COL4A6: variants seen among roughly 807,000 people sequenced by gnomAD.
COL4A6 encodes the protein collagen alpha-6(IV) chain.
Under a neutral mutation model 126.7 loss-of-function variants are expected in COL4A6, and 59 were observed. The observed-to-expected ratio is 0.47, with a 90% confidence interval of 0.38 to 0.58. The LOEUF (loss-of-function observed/expected upper bound fraction) is 0.58. Among genes scored for constraint, COL4A6 ranks in the 20% least tolerant of loss-of-function variants. The probability of loss-of-function intolerance (pLI) is 0.00; values close to 1 mark genes in which losing one functional copy is unlikely to be tolerated. For synonymous variants in COL4A6, 547 were observed against 496.6 expected (o/e 1.10, Z -1.35); for missense variants, 1,285 against 1,337.3 (o/e 0.96, Z 0.61).
intron 2 of COL4A6, among the ~76,000 whole-genome samples, chrX:108,335,065 T>C (rs1445351823): frequency 8.9e-6 from 1 of 112,230 alleles, no homozygotes; most frequent in Non-Finnish European, 1.9e-5. Flanking sequence ...TGAACAGCTT[T>C]TGTTATGGTG....
At chrX:108,245,484 T>C (rs2036693971) in intron 3 of COL4A6, among the ~76,000 whole-genome samples, 1 of 112,010 alleles carries the variant, frequency 8.9e-6, no homozygotes, top group Non-Finnish European at 1.9e-5. Flanking sequence ...GCAAGTATCT[T>C]AGCATTTAGC....
chrX:108,363,156 G>C (rs73529103), intron 2 of COL4A6, among the ~76,000 whole-genome samples: 8,242 of 111,724 alleles, frequency 0.074, 662 homozygotes, highest in African/African-American at 0.23. Flanking sequence ...GATGTGTGTC[G>C]TACTGGAAGG....
chrX:108,166,699 G>GA (rs1205056695), intron 37 of COL4A6, among the ~76,000 whole-genome samples: 2 of 111,360 alleles, frequency 1.8e-5, no homozygotes, highest in Non-Finnish European at 3.8e-5. Context: ...CCGGAAAAAA[G>GA]AAAAAACACA....
intron 3 of COL4A6, among the ~76,000 whole-genome samples, chrX:108,309,987 A>G (rs1292316806): frequency 1.8e-5 from 2 of 111,441 alleles, no homozygotes; most frequent in Non-Finnish European, 3.8e-5. Context: ...AGGGATGCTC[A>G]ACTTGTGTAT....
At chrX:108,173,930 C>T (rs761965945) in intron 31 of COL4A6, among the ~76,000 whole-genome samples, 1 of 112,649 alleles carries the variant, frequency 8.9e-6, no homozygotes, top group Admixed American at 9.4e-5. Flanking sequence ...AAAGACCTTT[C>T]TAGCAAAACG....
intron 23 of COL4A6, among the ~76,000 whole-genome samples, chrX:108,183,432 G>T (rs1337929638): frequency 9.0e-6 from 1 of 111,546 alleles, no homozygotes; most frequent in African/African-American, 3.3e-5. Context: ...ATTTGCTTAA[G>T]GTAGAGATCA....
chrX:108,191,374 A>G lies in COL4A6; in HGVS notation c.1321+19T>C. On this transcript the variant is annotated intron_variant, in intron 19 of 44. Transcript: ENST00000334504. Reference sequence around the variant, plus strand: ...TCACATCTGAATCTTGAGACCAAAAAGAGAAATGAGTAACTTACTAGGTGG... The same window carrying G: ...TCACATCTGAATCTTGAGACCAAAAGGAGAAATGAGTAACTTACTAGGTGG... 8.3e-7 allele frequency: 1 copy of G among 1,205,208 alleles called. No individual in the cohort carries two copies. Among genetic ancestry groups the G allele is most frequent in the Non-Finnish European group, 1.1e-6 (1 of 892,526 alleles).
At chrX:108,358,630 G>A (rs902311220) in intron 2 of COL4A6, among the ~76,000 whole-genome samples, 6 of 111,254 alleles carry the variant, frequency 5.4e-5, no homozygotes, top group Non-Finnish European at 1.1e-4. Context: ...CCTGAACTCA[G>A]GTGATCTGCC....
At chrX:108,229,712 A>G (rs1291428591) in intron 3 of COL4A6, among the ~76,000 whole-genome samples, 2 of 112,318 alleles carry the variant, frequency 1.8e-5, no homozygotes, top group Admixed American at 9.4e-5. Flanking sequence ...GGAGTTCACA[A>G]TCTCTGAAAG....
intron 3 of COL4A6, among the ~76,000 whole-genome samples, chrX:108,280,138 A>G (rs1182995354): frequency 1.8e-5 from 2 of 111,749 alleles, no homozygotes; most frequent in Non-Finnish European, 3.8e-5. Context: ...AGAAATAACT[A>G]AAATCAGAGC....
At chrX:108,233,835 C>T (rs1201507577) in intron 3 of COL4A6, among the ~76,000 whole-genome samples, 2 of 112,108 alleles carry the variant, frequency 1.8e-5, no homozygotes, top group Non-Finnish European at 3.8e-5. Context: ...CCTTGACCCT[C>T]ACATCAATAT....
intron 3 of COL4A6, among the ~76,000 whole-genome samples, chrX:108,248,367 C>A (rs1180624518): frequency 9.0e-6 from 1 of 111,154 alleles, no homozygotes; most frequent in Non-Finnish European, 1.9e-5. Flanking sequence ...GCTATTTTTT[C>A]TACCCTTACT....
chrX:108,280,462 A>T (rs1171963911), intron 3 of COL4A6, among the ~76,000 whole-genome samples: 7 of 112,127 alleles, frequency 6.2e-5, no homozygotes, highest in Admixed American at 2.8e-4. Flanking sequence ...TGAATCTCTG[A>T]ATAGACCAAT....
At chrX:108,217,865 AG>A (rs2035905066) in intron 5 of COL4A6, among the ~76,000 whole-genome samples, 1 of 112,055 alleles carries the variant, frequency 8.9e-6, no homozygotes, top group Non-Finnish European at 1.9e-5. Flanking sequence ...TCAGGAGTTC[AG>A]GCAAGAAAAC....
At chrX:108,227,126 T>C (rs1055668865) in intron 3 of COL4A6, among the ~76,000 whole-genome samples, 13 of 111,948 alleles carry the variant, frequency 1.2e-4, no homozygotes, top group African/African-American at 3.9e-4. Flanking sequence ...TTTATGTGTC[T>C]ATACCTCCCA....
At chrX:108,253,526 T>C (rs993026556) in intron 3 of COL4A6, among the ~76,000 whole-genome samples, 2 of 112,331 alleles carry the variant, frequency 1.8e-5, no homozygotes, top group South Asian at 3.7e-4. Context: ...TCTATCACCA[T>C]GTAATGAGCT....
At chrX:108,173,213 A>G (rs1368194807) in intron 31 of COL4A6, among the ~76,000 whole-genome samples, 1 of 111,855 alleles carries the variant, frequency 8.9e-6, no homozygotes, top group African/African-American at 3.3e-5. Flanking sequence ...TATGCCACTT[A>G]GTGCTTTGGG....
intron 3 of COL4A6, among the ~76,000 whole-genome samples, chrX:108,291,924 T>C (rs1028189342): frequency 1.8e-5 from 2 of 112,008 alleles, no homozygotes; most frequent in Non-Finnish European, 3.8e-5. Context: ...GTATTGTTTA[T>C]TGTAGGTGGC....
At chrX:108,279,580 T>A (rs909276418) in intron 3 of COL4A6, among the ~76,000 whole-genome samples, 2 of 111,411 alleles carry the variant, frequency 1.8e-5, no homozygotes, top group African/African-American at 6.5e-5. Flanking sequence ...ATTAGACAGA[T>A]CAACGAGACA....
Sources: gnomAD v4.1 joint callset for allele counts (sites outside exome capture counted in the v4.1 genomes callset) on GRCh38, gnomAD v4.1.1 for gene constraint, MANE v1.5 for transcripts, NCBI Gene and HGNC (gene_info 2026-07-23, HGNC 2026-07-21) for gene names.